CNTNAP5: variants seen among roughly 807,000 people sequenced by gnomAD.
CNTNAP5 encodes the protein contactin-associated protein-like 5.
A neutral mutation model predicts 150.2 loss-of-function variants in CNTNAP5; 72 were observed. The ratio of observed to expected loss-of-function variants is 0.48; its 90% CI spans 0.40 to 0.58. CNTNAP5 has a LOEUF of 0.58. Among genes scored for constraint, CNTNAP5 ranks in the 20% least tolerant of loss-of-function variants. CNTNAP5 has a pLI of 0.00. For synonymous variants in CNTNAP5, 672 were observed against 619.8 expected, an observed-to-expected ratio of 1.08 and a Z score of -1.25; for missense variants, 1,636 against 1,626.2, an observed-to-expected ratio of 1.01 and a Z score of -0.10.
At chr2:124,527,683 A>G (rs1338236604) in intron 10 of CNTNAP5, among the ~76,000 whole-genome samples, 1 of 152,232 alleles carries the variant, frequency 6.6e-6, no homozygotes, top group Non-Finnish European at 1.5e-5. Context: ...GGATATGCAA[A>G]TTAAATCAAA....
chr2:124,043,334 T>C (rs548891992), intron 1 of CNTNAP5, among the ~76,000 whole-genome samples: 2 of 152,288 alleles, frequency 1.3e-5, no homozygotes, highest in East Asian at 3.9e-4. Context: ...AAAATTATAG[T>C]TGGTAGGACA....
At chr2:124,229,559 A>G (rs1686561500) in intron 2 of CNTNAP5, among the ~76,000 whole-genome samples, 1 of 152,188 alleles carries the variant, frequency 6.6e-6, no homozygotes, top group Non-Finnish European at 1.5e-5. Context: ...ACAACAAAAT[A>G]CATTAAATTG....
chr2:124,766,221 A>T (rs1178585774), intron 16 of CNTNAP5, among the ~76,000 whole-genome samples: 1 of 152,142 alleles, frequency 6.6e-6, no homozygotes, highest in Non-Finnish European at 1.5e-5. Flanking sequence ...TACCATGACC[A>T]TAAAGACTCA....
chr2:124,217,789 A>G (rs1205515135), intron 1 of CNTNAP5, among the ~76,000 whole-genome samples: 1 of 152,204 alleles, frequency 6.6e-6, no homozygotes, highest in African/African-American at 2.4e-5. Context: ...TATTCTCATT[A>G]CGGGCTTTAT....
At chr2:124,670,012 C>T (rs1678777460) in intron 13 of CNTNAP5, among the ~76,000 whole-genome samples, 1 of 152,242 alleles carries the variant, frequency 6.6e-6, no homozygotes, top group Admixed American at 6.5e-5. Context: ...TCCCCATCCC[C>T]ATTTCACTAC....
At chr2:124,255,524 A>AAAAATAAAAT (rs202068928) in intron 3 of CNTNAP5, among the ~76,000 whole-genome samples, 105 of 132,148 alleles carry the variant, frequency 7.9e-4, no homozygotes, top group African/African-American at 3.0e-3. Flanking sequence ...ACTCTGTCTC[A>AAAAATAAAAT]AAAATAAAAT....
At chr2:124,473,215 T>C (rs1693559302) in intron 6 of CNTNAP5, among the ~76,000 whole-genome samples, 1 of 151,970 alleles carries the variant, frequency 6.6e-6, no homozygotes, top group Non-Finnish European at 1.5e-5. Flanking sequence ...GTTGGAGGAC[T>C]TTATTAGAAA....
chr2:124,895,628 A>T (rs1678288454), intron 21 of CNTNAP5, among the ~76,000 whole-genome samples: 1 of 151,554 alleles, frequency 6.6e-6, no homozygotes, highest in Admixed American at 6.6e-5. Context: ...CTGTCTCAAA[A>T]AAATAGAGAA....
chr2:124,183,528 T>C (rs1255052470), intron 1 of CNTNAP5, among the ~76,000 whole-genome samples: 1 of 152,220 alleles, frequency 6.6e-6, no homozygotes, highest in Non-Finnish European at 1.5e-5. Context: ...TGCACAAGGT[T>C]GAATAGCTTC....
chr2:124,215,087 G>A (rs926124524), intron 1 of CNTNAP5, among the ~76,000 whole-genome samples: 1 of 152,116 alleles, frequency 6.6e-6, no homozygotes, highest in Non-Finnish European at 1.5e-5. Flanking sequence ...GAAGCAAAAG[G>A]CATGAGTTGT....
intron 3 of CNTNAP5, among the ~76,000 whole-genome samples, chr2:124,282,800 A>G (rs1688045864): frequency 6.6e-6 from 1 of 152,200 alleles, no homozygotes; most frequent in Admixed American, 6.6e-5. Flanking sequence ...TAGCATAGGT[A>G]GTACAGAGGG....
intron 17 of CNTNAP5, among the ~76,000 whole-genome samples, chr2:124,780,338 T>C (rs1348752257): frequency 1.3e-5 from 2 of 152,178 alleles, no homozygotes. Context: ...GGTTTTGACA[T>C]TTAAAGGACA....
chr2:124,070,189 A>T (rs1000266120), intron 1 of CNTNAP5, among the ~76,000 whole-genome samples: 1 of 152,036 alleles, frequency 6.6e-6, no homozygotes, highest in Non-Finnish European at 1.5e-5. Context: ...CAACAAATAC[A>T]TAAAATATAA....
rs772477543 is a variant in CNTNAP5 at position 124,713,245 on chromosome 2, C to A, written c.2078-33984C>A. Among the ~76,000 whole-genome samples, 55 of 45,134 alleles carry A rather than the reference C, an allele frequency of 1.2e-3. 3 individuals carry two copies. Among genetic ancestry groups the A allele is most frequent in the African/African-American group, 3.5e-3 (50 of 14,410 alleles). The allele number at this position is 45,134 out of a possible 152,430, so 29.6% of individuals were successfully genotyped here. A position where few individuals can be genotyped will look rare whatever the true frequency, so the allele number is the denominator to read the frequency against. ...TTTCTTTCTTTCTTTCTTTCTTTCT[C>A]TTTCTTTCTTTCTTTCTTTCTTTCT... On this transcript the variant is annotated intron_variant, in intron 13 of 23. Transcript: ENST00000682447.
chr2:124,310,819 G>A (rs1328316331), intron 3 of CNTNAP5, among the ~76,000 whole-genome samples: 1 of 152,192 alleles, frequency 6.6e-6, no homozygotes, highest in East Asian at 1.9e-4. Context: ...CGCACTTGCA[G>A]TGGGAGCTTG....
intron 3 of CNTNAP5, among the ~76,000 whole-genome samples, chr2:124,401,338 C>T (rs1348281161): frequency 6.6e-6 from 1 of 152,202 alleles, no homozygotes; most frequent in African/African-American, 2.4e-5. Context: ...CTGAATCATA[C>T]AAACCAGTGG....
chr2:124,049,865 C>T (rs902238802), intron 1 of CNTNAP5, among the ~76,000 whole-genome samples: 1 of 152,136 alleles, frequency 6.6e-6, no homozygotes, highest in African/African-American at 2.4e-5. Flanking sequence ...TGAGGGCCTG[C>T]TTGCTTCTTG....
At chr2:124,309,626 T>C (rs1328553349) in intron 3 of CNTNAP5, among the ~76,000 whole-genome samples, 1 of 152,172 alleles carries the variant, frequency 6.6e-6, no homozygotes, top group East Asian at 1.9e-4. Context: ...CCCCAGCCAT[T>C]CTGAGGCAGA....
intron 1 of CNTNAP5, among the ~76,000 whole-genome samples, chr2:124,145,794 T>TAAAAAAAAAAAAAAAAATAAAAAAAAAAA (rs759470861): frequency 3.4e-5 from 1 of 29,526 alleles, no homozygotes; most frequent in Non-Finnish European, 7.3e-5. Flanking sequence ...TAAAGTATAA[T>TAAAAAAAAAAAAAAAAATAAAAAAAAAAA]AAAAAAAAAA....
Sources: allele counts gnomAD v4.1 joint callset (sites outside exome capture counted in the v4.1 genomes callset), GRCh38; gene constraint gnomAD v4.1.1; transcripts MANE v1.5; gene names NCBI Gene and HGNC (gene_info 2026-07-23, HGNC 2026-07-21).